Variants in TBC1D22A observed in about 807,000 individuals in gnomAD.
TBC1D22A encodes putative GTPase activator.
In TBC1D22A, 38 loss-of-function variants were observed where a neutral mutation model predicts 60.2. That is an observed-to-expected ratio of 0.63 (90% CI 0.49 to 0.83). TBC1D22A has a LOEUF of 0.83. Ranked by LOEUF, TBC1D22A falls within the 40% of genes least tolerant of loss-of-function variation. TBC1D22A has a pLI of 0.00. For synonymous variants in TBC1D22A, 302 were observed against 281.7 expected (o/e 1.07, Z -0.72); for missense variants, 628 against 701.0 (o/e 0.90, Z 1.18).
Position 47,016,169 on chromosome 22 carries a change from C to T in TBC1D22A, c.1201+18460C>T, listed in dbSNP as rs528692927. Among the ~76,000 whole-genome samples, 14 of 152,322 alleles carry T rather than the reference C, an allele frequency of 9.2e-5. 1 individual carries two copies. The highest frequency in any genetic ancestry group is 7.8e-4 in the Admixed American group (12 of 15,300). ...ATTGTAGAAGCTTTTACAGTGGGCACTGGCGCCCTGAACTCCTGAGTGCAC... is the reference window on the plus strand; with the variant it reads ...ATTGTAGAAGCTTTTACAGTGGGCATTGGCGCCCTGAACTCCTGAGTGCAC... On this transcript the variant is annotated intron_variant, in intron 10 of 12. Transcript: ENST00000337137.
intron 1 of TBC1D22A, among the ~76,000 whole-genome samples, chr22:46,773,423 C>T (rs1002539849): frequency 1.3e-5 from 2 of 152,194 alleles, no homozygotes; most frequent in Non-Finnish European, 2.9e-5. Context: ...TCACACCTCA[C>T]GCTAGGGATT....
At chr22:46,995,158 T>C (rs2075077067) in intron 9 of TBC1D22A, among the ~76,000 whole-genome samples, 1 of 152,108 alleles carries the variant, frequency 6.6e-6, no homozygotes, top group African/African-American at 2.4e-5. Flanking sequence ...AGGAAACATA[T>C]CATCCCCAGG....
At chr22:46,943,788 T>C (rs749483225) in intron 8 of TBC1D22A, among the ~76,000 whole-genome samples, 1 of 152,254 alleles carries the variant, frequency 6.6e-6, no homozygotes, top group Admixed American at 6.5e-5. Flanking sequence ...TTTCATGTTA[T>C]ATGTTCACAG....
rs1473137082 is a variant in TBC1D22A, at chr22:47,174,943, GGCAGGGCCACAGCCACA to G, written c.*1319_*1335del. ...CAGGCTGCATGACCCCTGGAATGCG[GGCAGGGCCACAGCCACA>G]GTCTGTCTGATCCCTGAGCCCAGGA... On this transcript the variant is annotated 3_prime_UTR_variant, in exon 13 of 13. Coordinates refer to ENST00000337137, the MANE Select transcript of TBC1D22A (RefSeq NM_014346.5). The G allele has an allele frequency of 1.3e-5, 2 of 152,232 alleles. No individual in the cohort carries two copies. Among genetic ancestry groups the G allele is most frequent in the African/African-American group, 4.8e-5 (2 of 41,434 alleles). 9.4% of individuals were successfully genotyped at this position (152,232 alleles called of 1,614,324 possible).
chr22:47,054,388 G>A (rs978349761), intron 11 of TBC1D22A, among the ~76,000 whole-genome samples: 1 of 152,122 alleles, frequency 6.6e-6, no homozygotes, highest in Non-Finnish European at 1.5e-5. Flanking sequence ...TCGAGGTGAG[G>A]GGTCCTGGTT....
At chr22:46,913,849 A>G in intron 8 of TBC1D22A, 1 of 802,912 alleles carries the variant, frequency 1.2e-6, no homozygotes, top group Non-Finnish European at 1.5e-6. Flanking sequence ...TTGCCTGATT[A>G]TCTGCAAGAC....
At position 46,777,882 on chromosome 22, in the gene TBC1D22A, A is replaced by G. The variant is rs1345413021; in HGVS notation, c.63-14638A>G. Reference sequence around the variant, plus strand: ...TGTGTGAACATCACAGAGCACATTTATACAAACCCAGGTAGAGTTAGCGCA... The same window carrying G: ...TGTGTGAACATCACAGAGCACATTTGTACAAACCCAGGTAGAGTTAGCGCA... On this transcript the variant is annotated intron_variant, in intron 1 of 12. Coordinates refer to ENST00000337137, the MANE Select transcript of TBC1D22A (RefSeq NM_014346.5). The surrounding 1 kb of genome is among the most constrained non-coding windows in gnomAD (Gnocchi z 4.5). Among the ~76,000 whole-genome samples the G allele has an allele frequency of 6.6e-6, 1 of 152,214 alleles. No individual in the cohort carries two copies. The highest frequency in any genetic ancestry group is 1.9e-4 in the East Asian group (1 of 5,190).
At chr22:46,823,039 A>T (rs1321680964) in intron 4 of TBC1D22A, among the ~76,000 whole-genome samples, 1 of 152,218 alleles carries the variant, frequency 6.6e-6, no homozygotes, top group African/African-American at 2.4e-5. Context: ...CAATGTGGGT[A>T]ACCTCTGCTG....
intron 11 of TBC1D22A, among the ~76,000 whole-genome samples, chr22:47,068,812 G>A (rs1459659743): frequency 1.3e-5 from 2 of 152,204 alleles, no homozygotes; most frequent in Non-Finnish European, 2.9e-5. Flanking sequence ...AACAATGCTG[G>A]CAGCCTCTTT....
At chr22:46,974,661 G>C (rs941694592) in intron 9 of TBC1D22A, among the ~76,000 whole-genome samples, 4 of 152,244 alleles carry the variant, frequency 2.6e-5, no homozygotes, top group African/African-American at 9.6e-5. Flanking sequence ...ATCCCCTGCT[G>C]CCTGCAGACT....
intron 8 of TBC1D22A, among the ~76,000 whole-genome samples, chr22:46,933,734 C>A (rs558583833): frequency 6.6e-6 from 1 of 152,238 alleles, no homozygotes. Flanking sequence ...ACTGCAGCCA[C>A]GTGGCCCCTG....
intron 12 of TBC1D22A, among the ~76,000 whole-genome samples, chr22:47,136,833 C>G (rs1174172741): frequency 6.6e-6 from 1 of 152,160 alleles, no homozygotes; most frequent in Non-Finnish European, 1.5e-5. Context: ...CCCTCTTGCA[C>G]CCTGTTGCAT....
chr22:47,055,626 G>C (rs1363833788), intron 11 of TBC1D22A, among the ~76,000 whole-genome samples: 1 of 152,128 alleles, frequency 6.6e-6, no homozygotes, highest in Non-Finnish European at 1.5e-5. Context: ...GCACTAGGTA[G>C]GTGTGGGGAG....
chr22:46,866,416 G>T (rs997250296), intron 4 of TBC1D22A, among the ~76,000 whole-genome samples: 5 of 152,130 alleles, frequency 3.3e-5, no homozygotes, highest in African/African-American at 7.2e-5. Flanking sequence ...CAAAAATGAA[G>T]ATCTTGATTG....
chr22:47,115,363 CG>C (rs1207021460), intron 12 of TBC1D22A, among the ~76,000 whole-genome samples: 8 of 151,224 alleles, frequency 5.3e-5, no homozygotes, highest in Non-Finnish European at 8.9e-5. Flanking sequence ...ACCCCACCCC[CG>C]GCTCCACATG....
chr22:47,159,360 CAT>C (rs1006801186), intron 12 of TBC1D22A, among the ~76,000 whole-genome samples: 18 of 151,534 alleles, frequency 1.2e-4, no homozygotes, highest in African/African-American at 4.1e-4. Context: ...ACACAAAGCA[CAT>C]ACACTCATGT....
At chr22:46,854,077 G>T (rs1216002731) in intron 4 of TBC1D22A, among the ~76,000 whole-genome samples, 1 of 152,130 alleles carries the variant, frequency 6.6e-6, no homozygotes, top group East Asian at 1.9e-4. Flanking sequence ...TGGACTTCTT[G>T]TTTTAAACAC....
chr22:46,812,425 A>G (rs1450537820), intron 4 of TBC1D22A, among the ~76,000 whole-genome samples: 2 of 152,208 alleles, frequency 1.3e-5, no homozygotes, highest in African/African-American at 2.4e-5. Context: ...TGGGGATCAC[A>G]GTGGCCCAGA....
At chr22:46,851,305 G>A (rs1335121380) in intron 4 of TBC1D22A, among the ~76,000 whole-genome samples, 3 of 152,214 alleles carry the variant, frequency 2.0e-5, no homozygotes, top group Non-Finnish European at 4.4e-5. Flanking sequence ...GACTTTCACC[G>A]TATTCCTACC....
Sources: gnomAD v4.1 joint callset for allele counts (sites outside exome capture counted in the v4.1 genomes callset) on GRCh38, gnomAD v4.1.1 for gene constraint, Gnocchi (gnomAD v3.1) non-coding constraint, MANE v1.5 for transcripts, NCBI Gene and HGNC (gene_info 2026-07-23, HGNC 2026-07-21) for gene names.